The following MTCL2 variants were observed in gnomAD, a reference collection of about 807,000 sequenced individuals.
The protein encoded by MTCL2 is microtubule cross-linking factor 2.
the MTCL2 span, among the ~76,000 whole-genome samples, chr20:36,819,969 A>C: frequency 6.6e-6 from 1 of 152,230 alleles, no homozygotes; most frequent in Non-Finnish European, 1.5e-5. Flanking sequence ...GCCAGGAGGC[A>C]GCAGACAAGG....
At chr20:36,793,214 C>T in the MTCL2 span, 1 of 1,527,014 alleles carries the variant, frequency 6.5e-7, no homozygotes, top group South Asian at 1.2e-5. The surrounding 1 kb of genome is among the most constrained non-coding windows in gnomAD (Gnocchi z 6.8). Flanking sequence ...ACTAACTCCA[C>T]CTACTAAGAG....
chr20:36,785,140 G>A, the MTCL2 span: 49 of 985,398 alleles, frequency 5.0e-5, no homozygotes, highest in Middle Eastern at 1.6e-3. Flanking sequence ...AATAAGTAGT[G>A]TTCTGAGGCC....
At chr20:36,836,430 G>A in the MTCL2 span, among the ~76,000 whole-genome samples, 1 of 143,734 alleles carries the variant, frequency 7.0e-6, no homozygotes, top group Non-Finnish European at 1.5e-5. Context: ...CTGCAACCTC[G>A]GCCTCCCAGG....
At chr20:36,847,361 C>A in the MTCL2 span, among the ~76,000 whole-genome samples, 1 of 152,222 alleles carries the variant, frequency 6.6e-6, no homozygotes. Flanking sequence ...GACTCTGATT[C>A]AAACCCCACA....
chr20:36,803,080 C>T, the MTCL2 span: 24 of 1,608,136 alleles, frequency 1.5e-5, no homozygotes, highest in East Asian at 2.2e-5. Context: ...GCCCGCTCCC[C>T]GGCCCCCTTC....
the MTCL2 span, among the ~76,000 whole-genome samples, chr20:36,796,410 G>A: frequency 6.6e-6 from 1 of 152,154 alleles, no homozygotes; most frequent in African/African-American, 2.4e-5. Context: ...CTGTTTCCCT[G>A]ACTCCTTTCA....
the MTCL2 span, chr20:36,785,290 G>A: frequency 1.0e-6 from 1 of 985,292 alleles, no homozygotes; most frequent in African/African-American, 1.7e-5. Context: ...CGTGCTGTTA[G>A]AGGCCTCATG....
At chr20:36,794,783 T>A in the MTCL2 span, 1 of 731,654 alleles carries the variant, frequency 1.4e-6, no homozygotes, top group Non-Finnish European at 2.2e-6. The surrounding 1 kb of genome is among the most constrained non-coding windows in gnomAD (Gnocchi z 5.4). Context: ...TTTTTTTTTT[T>A]CTCCCAAACA....
the MTCL2 span, among the ~76,000 whole-genome samples, chr20:36,833,311 C>T: frequency 6.6e-6 from 1 of 152,232 alleles, no homozygotes; most frequent in Non-Finnish European, 1.5e-5. Context: ...CCCAGCTACC[C>T]TCAAGGTAGG....
chr20:36,841,110 G>A, the MTCL2 span, among the ~76,000 whole-genome samples: 3 of 124,450 alleles, frequency 2.4e-5, no homozygotes, highest in Admixed American at 1.1e-4. Context: ...AGGAGTTTGA[G>A]ACCAGCCTGG....
the MTCL2 span, among the ~76,000 whole-genome samples, chr20:36,846,562 G>A: frequency 1.3e-5 from 2 of 152,310 alleles, no homozygotes; most frequent in African/African-American, 4.8e-5. Flanking sequence ...ATCTGAAGAA[G>A]GTAGACGGCT....
chr20:36,797,986 G>A, the MTCL2 span, among the ~76,000 whole-genome samples: 1 of 152,146 alleles, frequency 6.6e-6, no homozygotes, highest in African/African-American at 2.4e-5. Flanking sequence ...GGGCCTTGAG[G>A]GGCCTCTGCT....
the MTCL2 span, among the ~76,000 whole-genome samples, chr20:36,808,093 T>A: frequency 1.3e-5 from 2 of 150,372 alleles, no homozygotes; most frequent in Non-Finnish European, 1.5e-5. Flanking sequence ...GCCAGGATGG[T>A]CTCGATCTCC....
chr20:36,784,048 C>T, the MTCL2 span: 3 of 985,496 alleles, frequency 3.0e-6, no homozygotes, highest in Non-Finnish European at 3.6e-6. Context: ...CTGGACGGTA[C>T]GATGGTAAGG....
the MTCL2 span, chr20:36,805,765 G>A: frequency 6.0e-6 from 7 of 1,161,552 alleles, no homozygotes; most frequent in African/African-American, 1.6e-5. Context: ...GTCCAGGAAT[G>A]GGGTCAGAGA....
At chr20:36,823,454 G>C in the MTCL2 span, among the ~76,000 whole-genome samples, 9 of 152,284 alleles carry the variant, frequency 5.9e-5, no homozygotes, top group East Asian at 1.7e-3. Context: ...CACTTTACTT[G>C]CTTGTCTTGT....
the MTCL2 span, chr20:36,785,898 A>G: frequency 1.0e-6 from 1 of 986,046 alleles, no homozygotes; most frequent in Non-Finnish European, 1.2e-6. Context: ...CTGCCCTATC[A>G]TACTCCCTAG....
At chr20:36,797,271 T>C in the MTCL2 span, among the ~76,000 whole-genome samples, 1,001 of 151,830 alleles carry the variant, frequency 6.6e-3, 13 homozygotes, top group African/African-American at 0.023. Context: ...CTTGTCTTCT[T>C]CCTCCTCAAC....
chr20:36,792,793 A>G, the MTCL2 span, among the ~76,000 whole-genome samples: 1 of 152,196 alleles, frequency 6.6e-6, no homozygotes, highest in Non-Finnish European at 1.5e-5. Context: ...TTCCTGGAAC[A>G]CATGGCCATA....
Sources: allele counts gnomAD v4.1 joint callset (sites outside exome capture counted in the v4.1 genomes callset), GRCh38; gene constraint gnomAD v4.1.1; non-coding constraint Gnocchi (gnomAD v3.1); transcripts MANE v1.5; gene names NCBI Gene and HGNC (gene_info 2026-07-23, HGNC 2026-07-21).